Variants in CDON observed in about 807,000 individuals in gnomAD.
The protein encoded by CDON is cell adhesion associated, oncogene regulated.
In CDON, 73 loss-of-function variants were observed where a neutral mutation model predicts 120.9. The ratio of observed to expected loss-of-function variants is 0.60; its 90% CI spans 0.50 to 0.73. The LOEUF (loss-of-function observed/expected upper bound fraction) is 0.73, where lower values mean the gene tolerates loss of function less well. Among genes scored for constraint, CDON ranks in the 30% least tolerant of loss-of-function variants. CDON has a pLI of 0.00. For synonymous variants in CDON, 566 were observed against 573.5 expected (o/e 0.99, Z 0.19); for missense variants, 1,470 against 1,587.3 (o/e 0.93, Z 1.26).
chr11:125,982,072 C>T (rs1946328825), intron 16 of CDON, among the ~76,000 whole-genome samples: 1 of 139,372 alleles, frequency 7.2e-6, no homozygotes, highest in Admixed American at 8.0e-5. Flanking sequence ...CAACCTCTGC[C>T]TCCCGGGTTC....
intron 1 of CDON, among the ~76,000 whole-genome samples, chr11:126,046,219 T>C (rs1159347593): frequency 6.6e-6 from 1 of 152,148 alleles, no homozygotes; most frequent in East Asian, 1.9e-4. Flanking sequence ...AAAAAAGTTA[T>C]AAGAATCTTA....
chr11:126,041,146 C>T (rs1300901510), intron 1 of CDON, among the ~76,000 whole-genome samples: 4 of 143,250 alleles, frequency 2.8e-5, no homozygotes, highest in East Asian at 2.2e-4. Context: ...GTGCCGAGAT[C>T]GTGCCACTGC....
chr11:125,970,408 C>T (rs887606484), intron 18 of CDON, among the ~76,000 whole-genome samples: 16 of 151,954 alleles, frequency 1.1e-4, no homozygotes, highest in Non-Finnish European at 1.6e-4. Flanking sequence ...CTTCTGACCT[C>T]GTGATCTGCC....
chr11:126,006,054 G>A lies in CDON; in HGVS notation c.1556C>T (p.Pro519Leu), dbSNP rs768719226. Reference sequence around the variant, plus strand: ...CTCTGCTTTTGTATTTGTTTCAAAAGGAACTGCAGGGAGAGAGAGAGGAGA... The same window carrying A: ...CTCTGCTTTTGTATTTGTTTCAAAAAGAACTGCAGGGAGAGAGAGAGGAGA... ...TQAEASLMVVPFETNTKAETV... is the reference protein window; with the variant it reads ...TQAEASLMVVLFETNTKAETV... The change falls in exon 9 of 20, where the codon CCT becomes CTT. Residue 519 changes from proline (P) to leucine (L), a missense_variant. Pro to Leu is a moderately conservative substitution (Grantham distance 98, BLOSUM62 -3). Coordinates refer to ENST00000531738, the MANE Select transcript of CDON (RefSeq NM_001378964.1). 3 of 1,613,648 alleles carry A rather than the reference G, an allele frequency of 1.9e-6. No individual in the cohort carries two copies. Among genetic ancestry groups the A allele is most frequent in the East Asian group, 2.2e-5 (1 of 44,856 alleles).
intron 11 of CDON, among the ~76,000 whole-genome samples, chr11:125,999,423 G>A (rs998498237): frequency 6.6e-6 from 1 of 152,188 alleles, no homozygotes; most frequent in Non-Finnish European, 1.5e-5. Flanking sequence ...CTTTCTGGAC[G>A]ATCTGAGGCA....
intron 18 of CDON, among the ~76,000 whole-genome samples, chr11:125,962,495 C>T (rs145451374): frequency 2.6e-5 from 4 of 152,316 alleles, no homozygotes; most frequent in Non-Finnish European, 4.4e-5. Context: ...CTGGAGGAAA[C>T]GCTATAAGGA....
At chr11:126,046,515 A>T (rs371582878) in intron 1 of CDON, among the ~76,000 whole-genome samples, 329 of 136,914 alleles carry the variant, frequency 2.4e-3, no homozygotes, top group Middle Eastern at 7.8e-3. Context: ...TAATATTTTT[A>T]AAAATATTTA....
Position 125,983,867 on chromosome 11 carries a change from C to T in CDON, c.2995+5G>A. On this transcript the variant is annotated splice_donor_5th_base_variant and intron_variant, in intron 16 of 19. Transcript: ENST00000531738. Reference sequence around the variant, plus strand: ...AAGAGAAGGAGATATTTATGAGTGACTTACTTTGTATGGTATTCTGCTGGC... The same window carrying T: ...AAGAGAAGGAGATATTTATGAGTGATTTACTTTGTATGGTATTCTGCTGGC... 5 of 1,605,152 alleles carry T rather than the reference C, an allele frequency of 3.1e-6. No individual in the cohort carries two copies. The highest frequency in any genetic ancestry group is 3.4e-6 in the Non-Finnish European group (4 of 1,172,230).
chr11:126,021,044 C>T (rs1565534919), intron 3 of CDON, among the ~76,000 whole-genome samples: 1 of 151,856 alleles, frequency 6.6e-6, no homozygotes, highest in Non-Finnish European at 1.5e-5. Context: ...ATTTCCATAT[C>T]ATTGTTACTG....
rs116746244 is a variant in CDON at position 125,957,112 on chromosome 11, C to T, written c.*3830G>A. ...TGGTAAAAATAGACAATGTGTGAGG[C>T]GGGACCGCTCCTCCTCATCCTCCCA... On this transcript the variant is annotated 3_prime_UTR_variant, in exon 20 of 20. Transcript: ENST00000531738. 0.023 allele frequency: 3,489 copies of T among 153,066 alleles called. 150 individuals are homozygous for T. The highest frequency in any genetic ancestry group is 0.079 in the African/African-American group (3,298 of 41,518). 9.5% of individuals were successfully genotyped at this position (153,066 alleles called of 1,614,324 possible).
In CDON at chr11:125,998,329, G is replaced by A. The variant is rs1376411895; in HGVS notation, c.2159-919C>T. On this transcript the variant is annotated intron_variant, in intron 11 of 19. Coordinates refer to ENST00000531738, the MANE Select transcript of CDON (RefSeq NM_001378964.1). Reference sequence around the variant, plus strand: ...GCCTGGTGAGAGGTGTCTGTGTCATGGGGGTGGTTCCCTCATGATGGCCTG... The same window carrying A: ...GCCTGGTGAGAGGTGTCTGTGTCATAGGGGTGGTTCCCTCATGATGGCCTG... Among the ~76,000 whole-genome samples the A allele has an allele frequency of 2.0e-5, 3 of 152,156 alleles. No individual in the cohort carries two copies. The South Asian group carries it at 6.2e-4, about 32-fold the overall frequency.
At chr11:126,018,206 T>C (rs1947527527) in intron 5 of CDON, 124 bp downstream of exon 5, 1 of 1,071,394 alleles carries the variant, frequency 9.3e-7, no homozygotes, top group Non-Finnish European at 1.4e-6. Flanking sequence ...AGCCTGTATT[T>C]ACTTTTTTGG....
intron 1 of CDON, among the ~76,000 whole-genome samples, chr11:126,042,106 A>C (rs1343873972): frequency 6.6e-6 from 1 of 151,770 alleles, no homozygotes; most frequent in Non-Finnish European, 1.5e-5. Context: ...CTTGTCTCGA[A>C]CTCCCGACCT....
At position 125,997,376 on chromosome 11, in the gene CDON, A is replaced by G. The variant is rs1946820631; in HGVS notation, c.2193T>C (p.Thr731=). The G allele has an allele frequency of 6.2e-7, 1 of 1,613,930 alleles. No homozygotes were observed. The highest frequency in any genetic ancestry group is 8.5e-7 in the Non-Finnish European group (1 of 1,179,904). The change falls in exon 12 of 20, where the codon ACT becomes ACC. Residue 731 remains threonine, a synonymous_variant. Transcript: ENST00000531738. ...TGACATAGACTGATGTCTCTGATGC[A>G]GTGGAGATGGTAGGCCGATCTGGTG... ...PEAPDRPTIS[T]ASETSVYVTW...
At chr11:126,050,909 C>T (rs544108577) in intron 1 of CDON, among the ~76,000 whole-genome samples, 1 of 152,306 alleles carries the variant, frequency 6.6e-6, no homozygotes, top group East Asian at 1.9e-4. Context: ...CCCAAGTACA[C>T]ATGCAGCATA....
intron 11 of CDON, among the ~76,000 whole-genome samples, chr11:126,000,663 C>T (rs553654488): frequency 1.0e-3 from 158 of 152,200 alleles, no homozygotes; most frequent in Admixed American, 8.4e-3. Flanking sequence ...TACTCATATA[C>T]GTAATCTGCT....
chr11:125,991,669 CT>C (rs1946634491), intron 14 of CDON, among the ~76,000 whole-genome samples: 1 of 150,758 alleles, frequency 6.6e-6, no homozygotes, highest in African/African-American at 2.4e-5. Flanking sequence ...AAAAAAAAAA[CT>C]TTAAGTACAA....
At chr11:126,045,723 C>T (rs1948389931) in intron 1 of CDON, among the ~76,000 whole-genome samples, 1 of 152,094 alleles carries the variant, frequency 6.6e-6, no homozygotes, top group Non-Finnish European at 1.5e-5. Flanking sequence ...GTAATCCCAG[C>T]ACTTTGGGAG....
intron 19 of CDON, 79 bp from the exon 20 acceptor site, chr11:125,961,184 A>T: frequency 7.7e-7 from 1 of 1,292,304 alleles, no homozygotes. Context: ...ACTTCTTCAC[A>T]CTTTGAGCCA....
Sources: allele counts gnomAD v4.1 joint callset (sites outside exome capture counted in the v4.1 genomes callset), GRCh38; gene constraint gnomAD v4.1.1; transcripts MANE v1.5; gene names NCBI Gene and HGNC (gene_info 2026-07-23, HGNC 2026-07-21).